Variants in PCSK5 observed in about 807,000 individuals in gnomAD.
PCSK5 encodes the protein proprotein convertase subtilisin/kexin type 5.
PCSK5 carries 129 observed loss-of-function variants against 233.2 expected under a neutral mutation model. The ratio of observed to expected loss-of-function variants is 0.55; its 90% CI spans 0.48 to 0.64. PCSK5 has a LOEUF of 0.64. PCSK5 is among the 30% of genes least tolerant of loss of function. The pLI is 0.00. For missense variants in PCSK5, 2,076 were observed against 2,430.1 expected, an observed-to-expected ratio of 0.85 and a Z score of 3.06; for synonymous variants, 825 against 879.2, an observed-to-expected ratio of 0.94 and a Z score of 1.09.
intron 24 of PCSK5, among the ~76,000 whole-genome samples, chr9:76,249,309 T>C (rs1005298428): frequency 6.6e-6 from 1 of 152,234 alleles, no homozygotes; most frequent in East Asian, 1.9e-4. Flanking sequence ...AGAAAAATCG[T>C]ATTTAGCCTC....
At position 76,181,653 on chromosome 9, in the gene PCSK5, C is replaced by T. The variant is rs529888084; in HGVS notation, c.2197+62C>T. ...AATGTGGTGTTTTCATTTGAGTGAC[C>T]TCAGGAGGGATAGCCTCTTTGTGAA... On this transcript the variant is annotated intron_variant, in intron 16 of 37. Coordinates refer to ENST00000674117, the MANE Select transcript of PCSK5 (RefSeq NM_001372043.1). The T allele has an allele frequency of 1.3e-5, 14 of 1,115,774 alleles. No homozygotes were observed. The East Asian group carries it at 3.2e-4, about 25-fold the overall frequency. The allele number at this position is 1,115,774 out of a possible 1,614,324, so 69.1% of individuals were successfully genotyped here. A position where few individuals can be genotyped will look rare whatever the true frequency, so the allele number is the denominator to read the frequency against.
At chr9:76,278,774 AC>A (rs879324502) in intron 24 of PCSK5, among the ~76,000 whole-genome samples, 2 of 152,146 alleles carry the variant, frequency 1.3e-5, no homozygotes, top group African/African-American at 2.4e-5. Flanking sequence ...ATCATTTTTT[AC>A]ATAGCCTATC....
chr9:76,067,878 T>A, intron 5 of PCSK5, 77 bp from the exon 6 acceptor site: 2 of 1,116,626 alleles, frequency 1.8e-6, no homozygotes, highest in Non-Finnish European at 2.7e-6. Context: ...TTCACCACTC[T>A]GAGTGGTGGC....
intron 34 of PCSK5, among the ~76,000 whole-genome samples, chr9:76,334,414 G>A (rs1003164045): frequency 6.6e-6 from 1 of 152,162 alleles, no homozygotes; most frequent in Admixed American, 6.5e-5. Flanking sequence ...ACTCAGCACA[G>A]AGCCACACAT....
At chr9:75,903,642 G>T (rs1826151405) in intron 1 of PCSK5, among the ~76,000 whole-genome samples, 1 of 142,422 alleles carries the variant, frequency 7.0e-6, no homozygotes, top group Non-Finnish European at 1.5e-5. Flanking sequence ...GTATTTAAGG[G>T]ATGATATTTT....
Position 76,282,392 on chromosome 9 carries a change from T to C in PCSK5, c.3143-9841T>C, listed in dbSNP as rs186563640. On this transcript the variant is annotated intron_variant, in intron 24 of 37. Transcript: ENST00000674117. Reference sequence around the variant, plus strand: ...GAGACAGGGTTTTTGCAATCTTGACTCACTGCAGCCTTGACCTCCGAGGCT... The same window carrying C: ...GAGACAGGGTTTTTGCAATCTTGACCCACTGCAGCCTTGACCTCCGAGGCT... 1.6e-4 allele frequency among the ~76,000 whole-genome samples: 23 copies of C among 146,380 alleles called. No homozygotes were observed. The East Asian group carries it at 3.1e-3, about 19-fold the overall frequency.
chr9:76,139,534 T>C (rs1823118160), intron 10 of PCSK5, among the ~76,000 whole-genome samples: 2 of 152,070 alleles, frequency 1.3e-5, no homozygotes, highest in African/African-American at 4.8e-5. Flanking sequence ...GACTCCAGTC[T>C]TGATCCCACT....
In PCSK5 at chr9:76,162,886, G is replaced by A. The variant is rs141939419; in HGVS notation, c.1619+3715G>A. 3.3e-5 allele frequency among the ~76,000 whole-genome samples: 5 copies of A among 152,240 alleles called. No homozygotes were observed. The South Asian group carries it at 1.0e-3, about 32-fold the overall frequency. ...ACACTTAACTAGCCTGGCAGCCAAC[G>A]TGGAAAACTCCCCAAGGCCTTTGAA... On this transcript the variant is annotated intron_variant, in intron 12 of 37. Coordinates refer to ENST00000674117, the MANE Select transcript of PCSK5 (RefSeq NM_001372043.1).
At chr9:76,103,573 A>G (rs1831852120) in intron 8 of PCSK5, among the ~76,000 whole-genome samples, 1 of 152,222 alleles carries the variant, frequency 6.6e-6, no homozygotes, top group African/African-American at 2.4e-5. Flanking sequence ...GCTTAGGGTG[A>G]GAAAAAGTGA....
intron 1 of PCSK5, among the ~76,000 whole-genome samples, chr9:75,916,901 T>G (rs1284086306): frequency 1.3e-5 from 2 of 151,922 alleles, no homozygotes; most frequent in East Asian, 1.9e-4. Context: ...CCAGGCGAGG[T>G]GGCTCACGCC....
At chr9:75,908,929 ATCTCTCTCTCTG>A (rs1327669567) in intron 1 of PCSK5, among the ~76,000 whole-genome samples, 153 of 101,936 alleles carry the variant, frequency 1.5e-3, no homozygotes, top group Non-Finnish European at 2.5e-3. Flanking sequence ...CTATCTCTCT[ATCTCTCTCTCTG>A]TCTATCTATC....
intron 27 of PCSK5, among the ~76,000 whole-genome samples, chr9:76,297,753 G>A (rs934123256): frequency 6.6e-6 from 1 of 152,196 alleles, no homozygotes; most frequent in Non-Finnish European, 1.5e-5. Context: ...CGGTGCAAAG[G>A]CAACGGCAGC....
intron 3 of PCSK5, among the ~76,000 whole-genome samples, chr9:75,989,465 G>C (rs1826669900): frequency 6.6e-6 from 1 of 150,842 alleles, no homozygotes; most frequent in Non-Finnish European, 1.5e-5. Flanking sequence ...CTGCACTCCA[G>C]CCTGGGTGAC....
chr9:76,064,165 C>T lies in PCSK5; in HGVS notation c.633-3790C>T, dbSNP rs1382531836. 4.2e-3 allele frequency among the ~76,000 whole-genome samples: 499 copies of T among 118,972 alleles called. 1 individual carries two copies. Among genetic ancestry groups the T allele is most frequent in the Non-Finnish European group, 5.5e-3 (317 of 58,042 alleles). The allele number at this position is 118,972 out of a possible 152,430, so 78.1% of individuals were successfully genotyped here. A position where few individuals can be genotyped will look rare whatever the true frequency, so the allele number is the denominator to read the frequency against. ...CCCCCCACCTCCCTCCCGGACGGGG[C>T]GGCTGGCCAGGCGGGGGGCTGACCC... is the stretch of plus-strand genomic sequence containing the variant. On this transcript the variant is annotated intron_variant, in intron 5 of 37. Transcript: ENST00000674117.
At chr9:76,011,616 C>G (rs1034489851) in intron 3 of PCSK5, among the ~76,000 whole-genome samples, 18 of 152,150 alleles carry the variant, frequency 1.2e-4, no homozygotes, top group African/African-American at 4.3e-4. Flanking sequence ...TTATCATGCT[C>G]TTTAAACATC....
In PCSK5 at chr9:76,273,564, A is replaced by AATATATATATATATATATATAT. The variant is rs1336491411; in HGVS notation, c.3143-18658_3143-18657insTATATATATATATATATATATA. 4.2e-3 allele frequency among the ~76,000 whole-genome samples: 315 copies of AATATATATATATATATATATAT among 74,646 alleles called. 4 individuals are homozygous for AATATATATATATATATATATAT. Among genetic ancestry groups the AATATATATATATATATATATAT allele is most frequent in the Middle Eastern group, 0.014 (2 of 138 alleles). The allele number at this position is 74,646 out of a possible 152,430, so 49.0% of individuals were successfully genotyped here. On this transcript the variant is annotated intron_variant, in intron 24 of 37. Transcript: ENST00000674117. ...TCTTCTTATAGATTAACAAAATAGT[A>AATATATATATATATATATATAT]ATATATATATACATATATATATATA...
chr9:76,300,480 T>C (rs997437504), intron 27 of PCSK5, among the ~76,000 whole-genome samples: 10 of 152,206 alleles, frequency 6.6e-5, no homozygotes, highest in African/African-American at 2.2e-4. Context: ...TGTGAAACCA[T>C]TGACAGCTTG....
rs1827235348 is a variant in PCSK5 at position 76,263,259 on chromosome 9, T to C, written c.3142+22575T>C. On this transcript the variant is annotated intron_variant, in intron 24 of 37. Transcript: ENST00000674117. ...TCTAGAACTAGAAATACCATTTGAC[T>C]CAGCCATCGCATTACTGGGTGTATA... Among the ~76,000 whole-genome samples, 6 of 152,214 alleles carry C rather than the reference T, an allele frequency of 3.9e-5. No individual in the cohort carries two copies. In the South Asian group the frequency reaches 1.2e-3, roughly 32 times the overall value.
At chr9:75,947,191 A>G (rs1824616118) in intron 2 of PCSK5, among the ~76,000 whole-genome samples, 1 of 151,664 alleles carries the variant, frequency 6.6e-6, no homozygotes, top group South Asian at 2.1e-4. Context: ...TGTACTTAAC[A>G]GAGGTTCTTC....
Sources: allele counts gnomAD v4.1 joint callset (sites outside exome capture counted in the v4.1 genomes callset), GRCh38; gene constraint gnomAD v4.1.1; transcripts MANE v1.5; gene names NCBI Gene and HGNC (gene_info 2026-07-23, HGNC 2026-07-21).